PLXNC1: variants seen among roughly 807,000 people sequenced by gnomAD.
The protein encoded by PLXNC1 is plexin-C1.
Under a neutral mutation model 178.2 loss-of-function variants are expected in PLXNC1, and 75 were observed. The observed-to-expected ratio is 0.42, with a 90% CI of 0.35 to 0.51. The LOEUF is 0.51. Among genes scored for constraint, PLXNC1 ranks in the 20% least tolerant of loss-of-function variants. The probability of loss-of-function intolerance (pLI) is 0.02; values close to 1 mark genes in which losing one functional copy is unlikely to be tolerated. For synonymous variants in PLXNC1, 790 were observed against 779.9 expected (o/e 1.01, Z -0.22); for missense variants, 1,503 against 1,984.4 (o/e 0.76, Z 4.61).
intron 27 of PLXNC1, 118 bp downstream of exon 27, chr12:94,298,913 T>A: frequency 1.0e-6 from 1 of 979,670 alleles, no homozygotes; most frequent in Non-Finnish European, 1.5e-6. Context: ...ATCTTTGGGC[T>A]TGGTAAGCTA....
chr12:94,273,467 G>A (rs974438938), intron 21 of PLXNC1, among the ~76,000 whole-genome samples: 10 of 152,126 alleles, frequency 6.6e-5, no homozygotes, highest in African/African-American at 2.2e-4. Context: ...CCTCCCTCAT[G>A]AACTACAGCT....
intron 24 of PLXNC1, among the ~76,000 whole-genome samples, chr12:94,294,903 AGAGCCCC>A (rs546255132): frequency 3.9e-4 from 59 of 152,322 alleles, no homozygotes; most frequent in African/African-American, 1.3e-3. Flanking sequence ...CAATCATCAC[AGAGCCCC>A]GAAGCAAGCG....
At chr12:94,249,849 C>G (rs1037766064) in intron 14 of PLXNC1, among the ~76,000 whole-genome samples, 3 of 148,812 alleles carry the variant, frequency 2.0e-5, no homozygotes, top group Admixed American at 1.4e-4. Flanking sequence ...TGGAGGTTCC[C>G]TAAAGAGACA....
intron 9 of PLXNC1, among the ~76,000 whole-genome samples, chr12:94,234,785 G>T (rs1964197187): frequency 6.6e-6 from 1 of 152,160 alleles, no homozygotes; most frequent in African/African-American, 2.4e-5. Flanking sequence ...GCTACTATAT[G>T]CCAGGTTTTA....
Position 94,149,129 on chromosome 12 carries a change from A to T in PLXNC1, c.158A>T (p.Gln53Leu). The change falls in exon 1 of 31, where the codon CAG (glutamine) becomes CTG (leucine). Residue 53 changes from glutamine (Q) to leucine (L), a missense_variant. Transcript: ENST00000258526. Reference protein sequence around the residue: ...EQAIGAIAASQEDGVFVASGS... With the variant: ...EQAIGAIAASLEDGVFVASGS... ...GCCATCGGAGCCATCGCGGCGAGCC[A>T]GGAGGACGGCGTGTTTGTGGCGAGC... is the stretch of plus-strand genomic sequence containing the variant. 1 of 1,589,372 alleles carries T rather than the reference A, an allele frequency of 6.3e-7. No homozygotes were observed. The highest frequency in any genetic ancestry group is 8.5e-7 in the Non-Finnish European group (1 of 1,172,526).
chr12:94,156,961 C>T (rs777838194), intron 1 of PLXNC1, among the ~76,000 whole-genome samples: 4 of 152,050 alleles, frequency 2.6e-5, no homozygotes, highest in Admixed American at 6.6e-5. Context: ...GCAGTCCTTC[C>T]GAAGTGCTAA....
intron 23 of PLXNC1, among the ~76,000 whole-genome samples, chr12:94,291,526 C>T (rs953318124): frequency 1.2e-4 from 18 of 152,156 alleles, no homozygotes; most frequent in Non-Finnish European, 2.5e-4. Context: ...CCACTGTGTC[C>T]AGCCAAAATA....
intron 23 of PLXNC1, among the ~76,000 whole-genome samples, chr12:94,284,468 C>T (rs996144660): frequency 5.3e-5 from 8 of 152,166 alleles, no homozygotes; most frequent in Admixed American, 2.6e-4. Context: ...CGTCTTATAA[C>T]AGTGAAAGGC....
intron 21 of PLXNC1, among the ~76,000 whole-genome samples, chr12:94,273,909 C>T (rs866024571): frequency 6.6e-6 from 1 of 152,042 alleles, no homozygotes; most frequent in African/African-American, 2.4e-5. Context: ...CCAAGCCGGT[C>T]CCTACATTCC....
At chr12:94,153,653 G>A (rs996982495) in intron 1 of PLXNC1, among the ~76,000 whole-genome samples, 51 of 152,084 alleles carry the variant, frequency 3.4e-4, no homozygotes, top group Admixed American at 3.2e-3. Flanking sequence ...GCCACCCCTC[G>A]GTAGACATTG....
chr12:94,298,817 G>C, intron 27 of PLXNC1, 22 bp downstream of exon 27: 1 of 1,598,250 alleles, frequency 6.3e-7, no homozygotes, highest in Non-Finnish European at 8.5e-7. Flanking sequence ...GGTGATTAGT[G>C]ACTGTTTTCA....
chr12:94,262,813 C>A (rs1356469289), intron 20 of PLXNC1: 3 of 971,224 alleles, frequency 3.1e-6, no homozygotes, highest in Non-Finnish European at 3.7e-6. Flanking sequence ...AATAATAATA[C>A]CATTTATTGA....
intron 22 of PLXNC1, 88 bp downstream of exon 22, chr12:94,279,737 C>T (rs985775915): frequency 6.1e-6 from 7 of 1,145,960 alleles, no homozygotes; most frequent in Non-Finnish European, 3.9e-6. Context: ...CTCCCTGCCC[C>T]CACCAGCTTC....
chr12:94,225,370 G>C (rs1963910091), intron 7 of PLXNC1, among the ~76,000 whole-genome samples: 1 of 152,176 alleles, frequency 6.6e-6, no homozygotes. Flanking sequence ...CTAGGAGGCT[G>C]CTCTTGAATG....
chr12:94,221,051 A>G (rs10745680), intron 6 of PLXNC1, among the ~76,000 whole-genome samples: 97,764 of 152,058 alleles, frequency 0.64, 33,055 homozygotes, highest in Middle Eastern at 0.78. Flanking sequence ...GCTGTGATGA[A>G]ACACTGAAAG....
At chr12:94,244,651 G>T (rs115719753) in intron 12 of PLXNC1, among the ~76,000 whole-genome samples, 2,161 of 152,286 alleles carry the variant, frequency 0.014, 46 homozygotes, top group African/African-American at 0.048. Context: ...GGCTTCCTGT[G>T]GCCACATTGG....
At chr12:94,255,534 G>A (rs1364323186) in intron 17 of PLXNC1, among the ~76,000 whole-genome samples, 1 of 152,178 alleles carries the variant, frequency 6.6e-6, no homozygotes, top group Admixed American at 6.5e-5. Context: ...AAACCTAGGA[G>A]GGACAGAAGC....
intron 21 of PLXNC1, 74 bp downstream of exon 21, chr12:94,265,299 T>A: frequency 7.3e-7 from 1 of 1,370,096 alleles, no homozygotes; most frequent in Non-Finnish European, 1.0e-6. Flanking sequence ...AGGTGGGTCA[T>A]TTACAATGAA....
At chr12:94,212,722 CTTT>C (rs538048142) in intron 5 of PLXNC1, among the ~76,000 whole-genome samples, 3 of 136,148 alleles carry the variant, frequency 2.2e-5, no homozygotes, top group Non-Finnish European at 3.1e-5. Context: ...CTTTTCTTTT[CTTT>C]TTTTTTTTTT....
Sources: allele counts gnomAD v4.1 joint callset (sites outside exome capture counted in the v4.1 genomes callset), GRCh38; gene constraint gnomAD v4.1.1; transcripts MANE v1.5; gene names NCBI Gene and HGNC (gene_info 2026-07-23, HGNC 2026-07-21).